The following DLG4 variants were observed in gnomAD, a reference collection of about 807,000 sequenced individuals.
The protein encoded by DLG4 is discs large MAGUK scaffold protein 4, also known as disks large homolog 4.
Under a neutral mutation model 93.8 loss-of-function variants are expected in DLG4, and 7 were observed. The ratio of observed to expected loss-of-function variants is 0.07; its 90% confidence interval spans 0.04 to 0.14. DLG4 has a LOEUF of 0.14. DLG4 is among the 10% of genes least tolerant of loss of function. The pLI is 1.00. For missense variants in DLG4, 545 were observed against 992.9 expected (o/e 0.55, Z 6.06); for synonymous variants, 341 against 387.6 (o/e 0.88, Z 1.41).
At position 7,208,096 on chromosome 17, in the gene DLG4, G is replaced by C; in HGVS notation, c.96+78C>G. ...CTACCTTGAAGGGGGAGAGGTGGGC[G>C]TGGCCCACGACCCCGTGGCCAGCCT... On this transcript the variant is annotated intron_variant, in intron 2 of 19. Transcript: ENST00000399506. The surrounding 1 kb of genome is among the most constrained non-coding windows in gnomAD (Gnocchi z 5.4). The C allele has an allele frequency of 8.4e-6, 11 of 1,316,988 alleles. No individual in the cohort carries two copies. The highest frequency in any genetic ancestry group is 9.8e-6 in the Non-Finnish European group (10 of 1,023,836). The allele number at this position is 1,316,988 out of a possible 1,614,324, so 81.6% of individuals were successfully genotyped here. A position where few individuals can be genotyped will look rare whatever the true frequency, so the allele number is the denominator to read the frequency against.
At chr17:7,210,032 C>T (rs760781164) in intron 1 of DLG4, among the ~76,000 whole-genome samples, 2 of 152,146 alleles carry the variant, frequency 1.3e-5, no homozygotes, top group African/African-American at 2.4e-5. Flanking sequence ...CAGAGTGAGA[C>T]TCCATCTCCA....
intron 8 of DLG4, 65 bp downstream of exon 8, chr17:7,202,838 G>T: frequency 6.3e-7 from 1 of 1,591,894 alleles, no homozygotes; most frequent in South Asian, 1.1e-5. Flanking sequence ...GGATGTCGTG[G>T]GACTGCATGT....
At chr17:7,200,427 C>T (rs904245162) in intron 8 of DLG4, among the ~76,000 whole-genome samples, 3 of 152,002 alleles carry the variant, frequency 2.0e-5, no homozygotes, top group African/African-American at 4.8e-5. Context: ...GTTTCTATTT[C>T]TAATAATTTT....
In DLG4 at chr17:7,217,260, G is replaced by T; in HGVS notation, c.-113C>A. On this transcript the variant is annotated 5_prime_UTR_variant, in exon 1 of 20. Transcript: ENST00000399506. The stretch of plus-strand genomic sequence containing the variant: ...CCCTCCGCACCCCACTTTTGCAGGG[G>T]GGGCCAGGATGGGGGGAGGGGTGAG... 1 of 1,254,000 alleles carries T rather than the reference G, an allele frequency of 8.0e-7. No individual in the cohort carries two copies. The highest frequency in any genetic ancestry group is 1.0e-6 in the Non-Finnish European group (1 of 990,724). The allele number at this position is 1,254,000 out of a possible 1,614,324, so 77.7% of individuals were successfully genotyped here. A position where few individuals can be genotyped will look rare whatever the true frequency, so the allele number is the denominator to read the frequency against.
In DLG4 at chr17:7,188,728, T is replaced by C. The variant is rs376469323; in HGVS notation, c.*1980A>G. Among the ~76,000 whole-genome samples the C allele has an allele frequency of 1.3e-5, 2 of 152,330 alleles. No individual in the cohort carries two copies. On this transcript the variant is annotated 3_prime_UTR_variant, in exon 20 of 20. Coordinates refer to ENST00000399506, the MANE Select transcript of DLG4 (RefSeq NM_001321075.3). ...ATCACATTTACCCTCACAGTTCATA[T>C]ACATTTCTCCAGTTTTCATCTTTGG...
chr17:7,207,935 A>C, intron 2 of DLG4: 8 of 477,958 alleles, frequency 1.7e-5, no homozygotes, highest in South Asian at 1.1e-4. Context: ...AGACCCCAGG[A>C]GCCCAAGCCC....
chr17:7,191,912 G>A lies in DLG4; in HGVS notation c.1957C>T (p.Arg653Cys), dbSNP rs764066743. Residue 653 changes from arginine to cysteine, a missense_variant, in exon 18 of 20, where the codon CGC (arginine) becomes TGC (cysteine). Around this residue, in one of 5 missense-constraint regions of DLG4, gnomAD observed 428 missense variants for 741.4 expected, o/e 0.58. Coordinates refer to ENST00000399506, the MANE Select transcript of DLG4 (RefSeq NM_001321075.3). The surrounding 1 kb of genome is among the most constrained non-coding windows in gnomAD (Gnocchi z 6.6). ...ACTCACAGCACATTCTCCAGGGAGC[G>A]GGGGCGGATGAAGATGGCGATGGGG... ...LHPIAIFIRP[R>C]SLENVLEINK... is the part of the protein sequence containing the mutation. The A allele has an allele frequency of 3.4e-6, 5 of 1,487,966 alleles. No homozygotes were observed. Among genetic ancestry groups the A allele is most frequent in the Non-Finnish European group, 4.5e-6 (5 of 1,116,282 alleles). The allele number at this position is 1,487,966 out of a possible 1,614,324, so 92.2% of individuals were successfully genotyped here.
chr17:7,200,627 A>G (rs1597463491), intron 8 of DLG4, among the ~76,000 whole-genome samples: 1 of 151,438 alleles, frequency 6.6e-6, no homozygotes, highest in South Asian at 2.1e-4. Flanking sequence ...GCTCGCCGCA[A>G]CCTCCGCCTC....
intron 2 of DLG4, among the ~76,000 whole-genome samples, chr17:7,205,381 CT>C (rs2070408522): frequency 6.6e-6 from 1 of 152,194 alleles, no homozygotes; most frequent in African/African-American, 2.4e-5. Context: ...AGCCACGTCT[CT>C]ATGGCAATGG....
At position 7,193,885 on chromosome 17, in the gene DLG4, G is replaced by A; in HGVS notation, c.1516-14C>T. The A allele has an allele frequency of 1.2e-6, 2 of 1,612,256 alleles. No individual in the cohort carries two copies. The highest frequency in any genetic ancestry group is 1.7e-6 in the Non-Finnish European group (2 of 1,179,194). On this transcript the variant is annotated splice_polypyrimidine_tract_variant and intron_variant, in intron 13 of 19. Transcript: ENST00000399506. This position sits in a 1 kb window ranked among gnomAD's most constrained non-coding sequence, Gnocchi z 6.7. ...GGAGCCCCAGTCCTAAGAAGAAAAAGCAGGCCACGGGGTTAGTTATGAGCT... is the reference window on the plus strand; with the variant it reads ...GGAGCCCCAGTCCTAAGAAGAAAAAACAGGCCACGGGGTTAGTTATGAGCT...
At chr17:7,207,435 G>A (rs554878975) in intron 2 of DLG4, among the ~76,000 whole-genome samples, 46 of 152,188 alleles carry the variant, frequency 3.0e-4, no homozygotes, top group African/African-American at 9.2e-4. Flanking sequence ...GGCAGGGGAC[G>A]AGGCAGCAAG....
In DLG4 at chr17:7,193,641, G is replaced by A. The variant is rs314250; in HGVS notation, c.1591+26C>T. On this transcript the variant is annotated intron_variant, in intron 15 of 19. Transcript: ENST00000399506. This position sits in a 1 kb window ranked among gnomAD's most constrained non-coding sequence, Gnocchi z 6.7. ...AGGGTTGGGGGAGCAGCAAGTGCTGGGGCCAAGGCAGGGGCCAGGGCTCAC... is the reference window on the plus strand; with the variant it reads ...AGGGTTGGGGGAGCAGCAAGTGCTGAGGCCAAGGCAGGGGCCAGGGCTCAC... The A allele has an allele frequency of 3.2e-3, 4,914 of 1,533,100 alleles. 144 individuals carry two copies. In the African/African-American group the frequency reaches 0.058, roughly 18 times the overall value. 95.0% of individuals were successfully genotyped at this position (1,533,100 alleles called of 1,614,324 possible).
At position 7,208,370 on chromosome 17, in the gene DLG4, C is replaced by T. The variant is rs1037623328; in HGVS notation, c.31-131G>A. ...CCCTGGGGCCTGACCAGCTCCTCCC[C>T]CTCCCTCTCCTCTAGCCCATTGGCT... On this transcript the variant is annotated intron_variant, in intron 1 of 19. Coordinates refer to ENST00000399506, the MANE Select transcript of DLG4 (RefSeq NM_001321075.3). This position sits in a 1 kb window ranked among gnomAD's most constrained non-coding sequence, Gnocchi z 5.4. 1.4e-5 allele frequency: 10 copies of T among 727,150 alleles called. No individual in the cohort carries two copies. Among genetic ancestry groups the T allele is most frequent in the Non-Finnish European group, 2.0e-5 (10 of 508,328 alleles). 45.0% of individuals were successfully genotyped at this position (727,150 alleles called of 1,614,324 possible). A position where few individuals can be genotyped will look rare whatever the true frequency, so the allele number is the denominator to read the frequency against.
intron 1 of DLG4, among the ~76,000 whole-genome samples, chr17:7,212,200 A>AC (rs1402373952): frequency 1.3e-5 from 2 of 151,354 alleles, no homozygotes; most frequent in Non-Finnish European, 2.9e-5. Context: ...CTCCCACCAA[A>AC]CCCCCGCAAG....
rs1167271827 is a variant in DLG4 at position 7,192,932 on chromosome 17, C to T, written c.1866+13G>A. 3 of 1,602,194 alleles carry T rather than the reference C, an allele frequency of 1.9e-6. No individual in the cohort carries two copies. The highest frequency in any genetic ancestry group is 1.1e-5 in the South Asian group (1 of 89,934). On this transcript the variant is annotated intron_variant, in intron 17 of 19. Transcript: ENST00000399506. The stretch of plus-strand genomic sequence containing the variant: ...GGGAGAAGGAAGAGGACCGGGTGCC[C>T]GCCAGGTCCTACCTGCTCTGCCACC...
chr17:7,209,779 G>T (rs946571749), intron 1 of DLG4, among the ~76,000 whole-genome samples: 1 of 152,098 alleles, frequency 6.6e-6, no homozygotes, highest in Non-Finnish European at 1.5e-5. Context: ...CAAAAAGAGA[G>T]AGAGGCCAGG....
chr17:7,217,783 T>G (rs1305915285), upstream of DLG4: 2 of 1,535,112 alleles, frequency 1.3e-6, no homozygotes, highest in African/African-American at 2.7e-5. Context: ...CATGGAGACC[T>G]GGCCAGCCAC....
Position 7,195,115 on chromosome 17 carries a change from A to G in DLG4, c.1302-620T>C, listed in dbSNP as rs35192659. 0.037 allele frequency among the ~76,000 whole-genome samples: 5,668 copies of G among 152,330 alleles called. 145 individuals are homozygous for G. The highest frequency in any genetic ancestry group is 0.052 in the Admixed American group (800 of 15,308). ...CACAGGGGTAACCCTGAATCTGCCC[A>G]AATTCATAAGAAAAAGAAAATGTCC... On this transcript the variant is annotated intron_variant, in intron 11 of 19. Transcript: ENST00000399506. The surrounding 1 kb of genome is among the most constrained non-coding windows in gnomAD (Gnocchi z 4.3).
chr17:7,199,410 G>A (rs960312740), intron 8 of DLG4, among the ~76,000 whole-genome samples: 7 of 151,690 alleles, frequency 4.6e-5, no homozygotes, highest in Admixed American at 1.3e-4. Flanking sequence ...CATGTTGGGC[G>A]GGCTGGTCTC....
Sources: gnomAD v4.1 joint callset for allele counts (sites outside exome capture counted in the v4.1 genomes callset) on GRCh38, gnomAD v4.1.1 for gene constraint, gnomAD v4.1.1 regional missense constraint, Gnocchi (gnomAD v3.1) non-coding constraint, MANE v1.5 for transcripts, NCBI Gene and HGNC (gene_info 2026-07-23, HGNC 2026-07-21) for gene names.